The following FAM76A variants were observed in gnomAD, a reference collection of about 807,000 sequenced individuals.
The protein encoded by FAM76A is family with sequence similarity 76 member A, also known as protein FAM76A.
A neutral mutation model predicts 46.2 loss-of-function variants in FAM76A; 32 were observed. The observed-to-expected ratio is 0.69, with a 90% CI of 0.52 to 0.93. The LOEUF (loss-of-function observed/expected upper bound fraction) is 0.93. Ranked by LOEUF, FAM76A falls within the 40% of genes least tolerant of loss-of-function variation. FAM76A has a pLI of 0.00. For synonymous variants in FAM76A, 137 were observed against 127.0 expected (o/e 1.08, Z -0.53); for missense variants, 274 against 361.5 (o/e 0.76, Z 1.96).
Position 27,761,996 on chromosome 1 carries a change from C to T in FAM76A, c.*1415C>T, listed in dbSNP as rs1481948946. On this transcript the variant is annotated 3_prime_UTR_variant, in exon 9 of 9. Coordinates refer to ENST00000373954, the MANE Select transcript of FAM76A (RefSeq NM_152660.3). ...AAAAAAAAAAGGAATAATATTTGAACTACAGAGCATTTTTGGGGTCAGCAT... is the reference window on the plus strand; with the variant it reads ...AAAAAAAAAAGGAATAATATTTGAATTACAGAGCATTTTTGGGGTCAGCAT... 1 of 150,734 alleles carries T rather than the reference C, an allele frequency of 6.6e-6. No homozygotes were observed. Among genetic ancestry groups the T allele is most frequent in the Non-Finnish European group, 1.5e-5 (1 of 67,870 alleles). The allele number at this position is 150,734 out of a possible 1,614,324, so 9.3% of individuals were successfully genotyped here. A position where few individuals can be genotyped will look rare whatever the true frequency, so the allele number is the denominator to read the frequency against.
chr1:27,734,836 G>A (rs1464769106), intron 4 of FAM76A, among the ~76,000 whole-genome samples: 1 of 152,162 alleles, frequency 6.6e-6, no homozygotes, highest in East Asian at 1.9e-4. Context: ...CTATCTGTTG[G>A]CTCTTTAAAT....
In FAM76A at chr1:27,744,767, G is replaced by A; in HGVS notation, c.468G>A (p.Glu156=). 6.2e-7 allele frequency: 1 copy of A among 1,614,196 alleles called. No individual in the cohort carries two copies. Among genetic ancestry groups the A allele is most frequent in the Non-Finnish European group, 8.5e-7 (1 of 1,180,036 alleles). ...LSSSSRAGHQ[E]KEQYSRLSGG... is the part of the protein sequence containing the mutation. ...GCTCTTCTCGTGCTGGCCACCAGGA[G>A]AAGGAGCAGTATAGTCGCCTGAGTG... The change falls in exon 5 of 9, where the codon GAG becomes GAA. Residue 156 remains glutamate (E), a synonymous_variant. Coordinates refer to ENST00000373954, the MANE Select transcript of FAM76A (RefSeq NM_152660.3).
At chr1:27,746,922 A>G (rs1014158167) in intron 5 of FAM76A, among the ~76,000 whole-genome samples, 21 of 152,014 alleles carry the variant, frequency 1.4e-4, no homozygotes, top group Admixed American at 1.0e-3. Context: ...ACAAAAAACA[A>G]TATTAGCCAG....
chr1:27,727,659 A>G (rs1005465613), intron 2 of FAM76A, 123 bp downstream of exon 2: 6 of 716,990 alleles, frequency 8.4e-6, no homozygotes, highest in Admixed American at 2.4e-5. Flanking sequence ...TCTGTAATCA[A>G]TCACATTATA....
rs967051822 is a variant in FAM76A, at chr1:27,762,887, G to A, written c.*2306G>A. 6.6e-6 allele frequency: 1 copy of A among 151,788 alleles called. No homozygotes were observed. The highest frequency in any genetic ancestry group is 2.1e-4 in the South Asian group (1 of 4,810). 9.4% of individuals were successfully genotyped at this position (151,788 alleles called of 1,614,324 possible). On this transcript the variant is annotated 3_prime_UTR_variant, in exon 9 of 9. Coordinates refer to ENST00000373954, the MANE Select transcript of FAM76A (RefSeq NM_152660.3). ...CATTTAATATAAAGCAAATTCACAC[G>A]TTTTCTAACTTTCCATAAGTTCCAA...
chr1:27,726,008 G>A lies in FAM76A; in HGVS notation c.-73G>A, dbSNP rs1358975022. 2.6e-6 allele frequency: 3 copies of A among 1,173,750 alleles called. No individual in the cohort carries two copies. Among genetic ancestry groups the A allele is most frequent in the African/African-American group, 1.6e-5 (1 of 62,696 alleles). 72.7% of individuals were successfully genotyped at this position (1,173,750 alleles called of 1,614,324 possible). On this transcript the variant is annotated 5_prime_UTR_variant, in exon 1 of 9. Coordinates refer to ENST00000373954, the MANE Select transcript of FAM76A (RefSeq NM_152660.3). ...CAGCCAGCAGCCTGCAGCCGCCGCCGGGTTGTGCCTCAGACTGTCAGATAA... is the reference window on the plus strand; with the variant it reads ...CAGCCAGCAGCCTGCAGCCGCCGCCAGGTTGTGCCTCAGACTGTCAGATAA...
At chr1:27,727,658 A>G in intron 2 of FAM76A, 122 bp downstream of exon 2, 2 of 732,246 alleles carry the variant, frequency 2.7e-6, no homozygotes, top group Admixed American at 2.4e-5. Flanking sequence ...ATCTGTAATC[A>G]ATCACATTAT....
intron 4 of FAM76A, among the ~76,000 whole-genome samples, chr1:27,737,943 C>T (rs2088083798): frequency 6.7e-6 from 1 of 149,694 alleles, no homozygotes; most frequent in South Asian, 2.1e-4. Context: ...GTTCCAGCTA[C>T]CTGGGAGGCT....
intron 2 of FAM76A, among the ~76,000 whole-genome samples, chr1:27,728,716 C>T (rs918356939): frequency 6.6e-6 from 1 of 152,088 alleles, no homozygotes; most frequent in Admixed American, 6.6e-5. Flanking sequence ...AAACCCAACA[C>T]TTTGGGAGGC....
intron 6 of FAM76A, among the ~76,000 whole-genome samples, chr1:27,754,588 T>C (rs1268937103): frequency 6.6e-6 from 1 of 152,218 alleles, no homozygotes; most frequent in Non-Finnish European, 1.5e-5. Flanking sequence ...GAATTCCTGA[T>C]ATTGGAAATG....
intron 4 of FAM76A, among the ~76,000 whole-genome samples, chr1:27,744,399 T>C (rs2088206767): frequency 6.6e-6 from 1 of 152,296 alleles, no homozygotes; most frequent in South Asian, 2.1e-4. Context: ...AGTGCTGGGA[T>C]TACAGGTATG....
At chr1:27,755,359 A>C in intron 7 of FAM76A, 29 bp downstream of exon 7, 1 of 1,612,878 alleles carries the variant, frequency 6.2e-7, no homozygotes, top group South Asian at 1.1e-5. Context: ...CTCTCTGACC[A>C]GAATGATGCG....
rs923263625 is a variant in FAM76A, at chr1:27,725,992, G to T, written c.-89G>T. The T allele has an allele frequency of 7.2e-5, 78 of 1,082,388 alleles. No homozygotes were observed. Among genetic ancestry groups the T allele is most frequent in the African/African-American group, 8.2e-5 (5 of 60,994 alleles). The allele number at this position is 1,082,388 out of a possible 1,614,324, so 67.0% of individuals were successfully genotyped here. ...GCCCGCCCGCCTGCCGCAGCCAGCA[G>T]CCTGCAGCCGCCGCCGGGTTGTGCC... On this transcript the variant is annotated 5_prime_UTR_variant, in exon 1 of 9. Transcript: ENST00000373954.
intron 4 of FAM76A, among the ~76,000 whole-genome samples, chr1:27,744,031 G>A (rs1035445849): frequency 2.6e-5 from 4 of 151,930 alleles, no homozygotes; most frequent in Non-Finnish European, 2.9e-5. Flanking sequence ...AATGAGAACC[G>A]TGGTCTTGTG....
At chr1:27,759,279 TA>T (rs2088464471) in intron 7 of FAM76A, among the ~76,000 whole-genome samples, 1 of 152,214 alleles carries the variant, frequency 6.6e-6, no homozygotes, top group Non-Finnish European at 1.5e-5. Context: ...TGCAACATAG[TA>T]AAAGTTCAGT....
intron 4 of FAM76A, among the ~76,000 whole-genome samples, chr1:27,735,062 C>T (rs147393919): frequency 6.6e-6 from 1 of 152,224 alleles, no homozygotes; most frequent in Admixed American, 6.5e-5. Flanking sequence ...CATCTTGCAT[C>T]ATACTTTCTA....
At chr1:27,748,218 C>T (rs1301195857) in intron 5 of FAM76A, among the ~76,000 whole-genome samples, 4 of 149,624 alleles carry the variant, frequency 2.7e-5, no homozygotes, top group African/African-American at 4.9e-5. Context: ...CTCTGCCTCC[C>T]GGGTTCACGC....
chr1:27,729,400 G>C (rs1266243806), intron 2 of FAM76A, among the ~76,000 whole-genome samples: 1 of 151,638 alleles, frequency 6.6e-6, no homozygotes, highest in Non-Finnish European at 1.5e-5. Context: ...GTAGAGACAG[G>C]GGTCTTGCCA....
intron 7 of FAM76A, among the ~76,000 whole-genome samples, chr1:27,757,847 G>A (rs939213384): frequency 6.6e-6 from 1 of 152,026 alleles, no homozygotes; most frequent in Non-Finnish European, 1.5e-5. Flanking sequence ...CGTGGTGGTG[G>A]GCGCCTGTAG....
Sources: gnomAD v4.1 joint callset for allele counts (sites outside exome capture counted in the v4.1 genomes callset) on GRCh38, gnomAD v4.1.1 for gene constraint, MANE v1.5 for transcripts, NCBI Gene and HGNC (gene_info 2026-07-23, HGNC 2026-07-21) for gene names.